Variants in MAP3K19 observed in about 807,000 individuals in gnomAD.
MAP3K19 encodes the protein mitogen-activated protein kinase kinase kinase 19, also known as SPS1/STE20-related protein kinase YSK4.
In MAP3K19, 91 loss-of-function variants were observed where a neutral mutation model predicts 114.4. The observed-to-expected ratio is 0.80, with a 90% confidence interval of 0.67 to 0.95. MAP3K19 has a LOEUF of 0.95. MAP3K19 is among the 40% of genes least tolerant of loss of function. The pLI is 0.00. For missense variants in MAP3K19, 1,471 were observed against 1,573.2 expected (o/e 0.94, Z 1.10); for synonymous variants, 518 against 530.5 (o/e 0.98, Z 0.32).
At chr2:135,021,886 AAAG>A in intron 4 of MAP3K19, 56 bp from the exon 5 acceptor site, 1 of 1,103,456 alleles carries the variant, frequency 9.1e-7, no homozygotes, top group South Asian at 1.5e-5. Context: ...AGCAATTTCA[AAAG>A]AAGATCTAGC....
rs140104606 is a variant in MAP3K19, at chr2:135,008,529, C to T, written c.139-2998G>A. 4.0e-4 allele frequency among the ~76,000 whole-genome samples: 61 copies of T among 152,234 alleles called. No homozygotes were observed. In the East Asian group the frequency reaches 0.012, roughly 29 times the overall value. ...TACACATAGTATTATTAAATATTTG[C>T]AACTAATACCCCAATTTTGCATTAT... On this transcript the variant is annotated intron_variant, in intron 5 of 12. Coordinates refer to ENST00000392915, the MANE Select transcript of MAP3K19 (RefSeq NM_025052.5).
At chr2:135,034,429 C>A (rs1271926592) in intron 2 of MAP3K19, among the ~76,000 whole-genome samples, 1 of 125,820 alleles carries the variant, frequency 7.9e-6, no homozygotes, top group Non-Finnish European at 1.6e-5. Flanking sequence ...AGGCTGCAAT[C>A]TCGGCACTTT....
At chr2:134,997,454 C>T (rs533030352) in intron 8 of MAP3K19, among the ~76,000 whole-genome samples, 1 of 152,168 alleles carries the variant, frequency 6.6e-6, no homozygotes, top group East Asian at 1.9e-4. Context: ...TACTTAAATG[C>T]CACTGAACTG....
At chr2:135,029,149 G>A (rs1688321837) in intron 3 of MAP3K19, among the ~76,000 whole-genome samples, 2 of 152,180 alleles carry the variant, frequency 1.3e-5, no homozygotes, top group South Asian at 2.1e-4. Context: ...GAGGCGGGCA[G>A]ATCACAAGGT....
chr2:134,991,836 G>A (rs527682284), intron 8 of MAP3K19, among the ~76,000 whole-genome samples: 3 of 152,282 alleles, frequency 2.0e-5, no homozygotes, highest in South Asian at 4.1e-4. Flanking sequence ...GGACCAGAGA[G>A]CAGACCATTT....
At chr2:135,029,110 C>T (rs1288961740) in intron 3 of MAP3K19, among the ~76,000 whole-genome samples, 2 of 152,210 alleles carry the variant, frequency 1.3e-5, no homozygotes, top group African/African-American at 2.4e-5. Context: ...CAGTGGCTCA[C>T]GCCTGTAATC....
chr2:135,011,164 A>G (rs1470827010), intron 5 of MAP3K19, among the ~76,000 whole-genome samples: 6 of 152,210 alleles, frequency 3.9e-5, no homozygotes, highest in African/African-American at 1.4e-4. Flanking sequence ...TATAATACTG[A>G]AAAAGTCCAT....
At chr2:135,011,027 A>G (rs1051653322) in intron 5 of MAP3K19, among the ~76,000 whole-genome samples, 1 of 152,210 alleles carries the variant, frequency 6.6e-6, no homozygotes, top group African/African-American at 2.4e-5. Flanking sequence ...CATGCAAGGC[A>G]GCTGCTTATA....
chr2:134,972,154 G>T (rs1683924959), intron 12 of MAP3K19, among the ~76,000 whole-genome samples: 1 of 151,370 alleles, frequency 6.6e-6, no homozygotes, highest in East Asian at 1.9e-4. Context: ...AATGACTATT[G>T]TCTCCCTGAT....
At chr2:134,981,659 A>G in intron 11 of MAP3K19, 141 bp from the exon 12 acceptor site, 1 of 668,194 alleles carries the variant, frequency 1.5e-6, no homozygotes, top group Non-Finnish European at 2.5e-6. Flanking sequence ...CTAAATGCAA[A>G]GTGTTTAAGC....
chr2:134,991,698 ATT>A, intron 8 of MAP3K19, 118 bp from the exon 9 acceptor site: 1 of 811,224 alleles, frequency 1.2e-6, no homozygotes, highest in African/African-American at 1.7e-5. Flanking sequence ...AGTTGTAGAA[ATT>A]GGAGGTTTCC....
Position 134,981,297 on chromosome 2 carries a change from GA to G in MAP3K19, c.3443del (p.Ile1148ThrfsTer5). 6.2e-7 allele frequency: 1 copy of G among 1,614,224 alleles called. No individual in the cohort carries two copies. The highest frequency in any genetic ancestry group is 8.5e-7 in the Non-Finnish European group (1 of 1,180,038). Reference sequence around the variant, plus strand: ...GCCCAAAACGGTTTATAATACTAGAGATTGAGCCACCAGGAACAAACTCCAT... The same window carrying G: ...GCCCAAAACGGTTTATAATACTAGAGTTGAGCCACCAGGAACAAACTCCAT... ...IFMEFVPGGS[I>X]SSIINRFGPL... is the part of the protein sequence containing the mutation. On this transcript the variant is annotated frameshift_variant, in exon 12 of 13. Coordinates refer to ENST00000392915, the MANE Select transcript of MAP3K19 (RefSeq NM_025052.5). LOFTEE classifies it high-confidence loss of function.
At chr2:134,983,570 T>G in intron 11 of MAP3K19, 106 bp downstream of exon 11, 3 of 746,868 alleles carry the variant, frequency 4.0e-6, no homozygotes, top group Non-Finnish European at 6.4e-6. Context: ...AGTAAAAGAG[T>G]GCTTGCCAGA....
chr2:134,988,757 G>A (rs749943118), intron 9 of MAP3K19, among the ~76,000 whole-genome samples: 9 of 151,886 alleles, frequency 5.9e-5, no homozygotes, highest in Non-Finnish European at 1.2e-4. Flanking sequence ...AAAACAACAC[G>A]TTTTAAAACC....
intron 8 of MAP3K19, among the ~76,000 whole-genome samples, chr2:134,995,382 A>C (rs978703656): frequency 6.6e-6 from 1 of 152,070 alleles, no homozygotes; most frequent in Non-Finnish European, 1.5e-5. Flanking sequence ...AGGATTCAAC[A>C]CAGCAAGGAG....
chr2:135,004,456 G>C (rs531705974), intron 6 of MAP3K19, among the ~76,000 whole-genome samples: 1 of 152,210 alleles, frequency 6.6e-6, no homozygotes, highest in South Asian at 2.1e-4. Context: ...CCACCTCCCG[G>C]AGGAGACGCT....
At chr2:134,994,479 G>A (rs1183767203) in intron 8 of MAP3K19, among the ~76,000 whole-genome samples, 1 of 152,192 alleles carries the variant, frequency 6.6e-6, no homozygotes, top group African/African-American at 2.4e-5. Context: ...TCCCTGGAGG[G>A]CTTGAAACAA....
intron 4 of MAP3K19, among the ~76,000 whole-genome samples, chr2:135,022,627 T>A (rs1293197063): frequency 6.6e-6 from 1 of 152,172 alleles, no homozygotes; most frequent in Non-Finnish European, 1.5e-5. Context: ...ACAATTTGGC[T>A]AACAACTGAA....
intron 1 of MAP3K19, among the ~76,000 whole-genome samples, chr2:135,044,601 T>C (rs937897917): frequency 6.6e-6 from 1 of 152,088 alleles, no homozygotes; most frequent in Non-Finnish European, 1.5e-5. Context: ...AAACAAACAA[T>C]GACAACAAAA....
Sources: allele counts gnomAD v4.1 joint callset (sites outside exome capture counted in the v4.1 genomes callset), GRCh38; gene constraint gnomAD v4.1.1; transcripts MANE v1.5; gene names NCBI Gene and HGNC (gene_info 2026-07-23, HGNC 2026-07-21).